The following GPN1 variants were observed in gnomAD, a reference collection of about 807,000 sequenced individuals.
GPN1 encodes the protein ATP(GTP)-binding protein.
A neutral mutation model predicts 55.9 loss-of-function variants in GPN1; 44 were observed. That is an observed-to-expected ratio of 0.79 (90% CI 0.62 to 1.01). The LOEUF is 1.01. Ranked by LOEUF, GPN1 falls within the 50% of genes least tolerant of loss-of-function variation. The probability of loss-of-function intolerance (pLI) is 0.00; values close to 1 mark genes in which losing one functional copy is unlikely to be tolerated. For synonymous variants in GPN1, 179 were observed against 162.5 expected, an observed-to-expected ratio of 1.10 and a Z score of -0.77; for missense variants, 466 against 462.8, an observed-to-expected ratio of 1.01 and a Z score of -0.06.
At chr2:27,638,850 T>C (rs756019803) in intron 8 of GPN1, 35 bp from the exon 9 acceptor site, 2 of 1,569,444 alleles carry the variant, frequency 1.3e-6, no homozygotes, top group East Asian at 2.3e-5. Context: ...GTTTGTTGGC[T>C]CTGGTTGCTC....
chr2:27,630,386 GTTTT>G (rs202052577), intron 2 of GPN1, among the ~76,000 whole-genome samples: 1 of 82,504 alleles, frequency 1.2e-5, no homozygotes, highest in Non-Finnish European at 2.3e-5. Flanking sequence ...AACAGCTTAG[GTTTT>G]TTTTTTTTTT....
At chr2:27,634,160 G>T (rs1361622962) in intron 5 of GPN1, among the ~76,000 whole-genome samples, 2 of 151,888 alleles carry the variant, frequency 1.3e-5, no homozygotes, top group African/African-American at 4.8e-5. Flanking sequence ...TAATGATATT[G>T]AACATCTTTT....
chr2:27,640,609 G>A (rs1673904807), intron 10 of GPN1, among the ~76,000 whole-genome samples: 1 of 152,226 alleles, frequency 6.6e-6, no homozygotes. Flanking sequence ...CATATAGTAA[G>A]CACATTTTAT....
upstream of GPN1, chr2:27,628,701 G>C: frequency 6.4e-7 from 1 of 1,551,656 alleles, no homozygotes; most frequent in South Asian, 1.2e-5. Context: ...TTCTCTGTGG[G>C]CTCAAAATGA....
At position 27,641,270 on chromosome 2, in the gene GPN1, A is replaced by G. The variant is rs370631749; in HGVS notation, c.831A>G (p.Lys277=). 5.6e-6 allele frequency: 9 copies of G among 1,607,494 alleles called. No homozygotes were observed. The highest frequency in any genetic ancestry group is 7.7e-6 in the Non-Finnish European group (9 of 1,174,250). ...ATCGTCCTGAATATGAACGTCTGAA[A>G]AAATCACTGGTAAGAAGGGAGGCTG... ...REYRPEYERL[K]KSLANAESQQ... is the part of the protein sequence containing the mutation. Residue 277 remains lysine, a synonymous_variant, in exon 11 of 14, where the codon AAA becomes AAG. Transcript: ENST00000610189.
intron 6 of GPN1, 66 bp from the exon 7 acceptor site, chr2:27,635,074 G>A (rs1314053207): frequency 1.9e-5 from 21 of 1,085,748 alleles, no homozygotes; most frequent in Admixed American, 1.0e-4. Context: ...TAAGGATGGT[G>A]GAAAAAGAGT....
chr2:27,646,808 T>C (rs1263841293), intron 12 of GPN1, among the ~76,000 whole-genome samples: 1 of 152,208 alleles, frequency 6.6e-6, no homozygotes, highest in African/African-American at 2.4e-5. Flanking sequence ...TTGCTCTATA[T>C]CTAGTAGAGA....
At position 27,632,690 on chromosome 2, in the gene GPN1, C is replaced by T. The variant is rs755528901; in HGVS notation, c.350+20C>T. 4 of 1,495,618 alleles carry T rather than the reference C, an allele frequency of 2.7e-6. No individual in the cohort carries two copies. The highest frequency in any genetic ancestry group is 1.1e-5 in the South Asian group (1 of 88,626). The allele number at this position is 1,495,618 out of a possible 1,614,324, so 92.6% of individuals were successfully genotyped here. A position where few individuals can be genotyped will look rare whatever the true frequency, so the allele number is the denominator to read the frequency against. ...GTCCAAGTAAGTGATGTCAGTAACA[C>T]CCATTTATTACTCTGTAGCTGACAT... On this transcript the variant is annotated intron_variant, in intron 5 of 13. Coordinates refer to ENST00000610189, the MANE Select transcript of GPN1 (RefSeq NM_007266.4).
At chr2:27,634,244 A>G (rs1673650564) in intron 5 of GPN1, among the ~76,000 whole-genome samples, 1 of 152,238 alleles carries the variant, frequency 6.6e-6, no homozygotes, top group African/African-American at 2.4e-5. Flanking sequence ...AATTAAAAAA[A>G]TTCTGATATA....
intron 1 of GPN1, 102 bp downstream of exon 1, chr2:27,629,271 G>A: frequency 6.7e-7 from 1 of 1,487,812 alleles, no homozygotes; most frequent in Non-Finnish European, 9.2e-7. Context: ...GAGGGTACCG[G>A]CGCATGGCTT....
rs1463793550 is a variant in GPN1, at chr2:27,647,928, G to A, written c.1024G>A (p.Asp342Asn). The A allele has an allele frequency of 6.2e-7, 1 of 1,606,090 alleles. No homozygotes were observed. Among genetic ancestry groups the A allele is most frequent in the Non-Finnish European group, 8.5e-7 (1 of 1,172,812 alleles). Residue 342 changes from aspartate to asparagine, a missense_variant, in exon 13 of 14, where the codon GAC (aspartate) becomes AAC (asparagine). Coordinates refer to ENST00000610189, the MANE Select transcript of GPN1 (RefSeq NM_007266.4). ...EDEEADSDTD[D>N]IDHRVTEESH... ...TGAGGAAGCAGACAGCGATACTGAT[G>A]ACATTGACCACAGAGGTGAGAGGTG...
At chr2:27,644,381 T>TATCA (rs1367763195) in intron 12 of GPN1, among the ~76,000 whole-genome samples, 3 of 152,184 alleles carry the variant, frequency 2.0e-5, no homozygotes, top group African/African-American at 7.2e-5. Context: ...ATTTTCTCCC[T>TATCA]ATCAGTTATC....
intron 12 of GPN1, among the ~76,000 whole-genome samples, chr2:27,642,954 TATATACAC>T (rs1417494840): frequency 1.6e-3 from 74 of 46,848 alleles, no homozygotes; most frequent in African/African-American, 3.0e-3. Context: ...TATATATATA[TATATACAC>T]ACACACACAC....
rs1035524387 is a variant in GPN1 at position 27,643,381 on chromosome 2, G to A, written c.931+862G>A. 6.6e-6 allele frequency among the ~76,000 whole-genome samples: 1 copy of A among 151,614 alleles called. No homozygotes were observed. The highest frequency in any genetic ancestry group is 6.6e-5 in the Admixed American group (1 of 15,222). On this transcript the variant is annotated intron_variant, in intron 12 of 13. Transcript: ENST00000610189. This position sits in a 1 kb window ranked among gnomAD's most constrained non-coding sequence, Gnocchi z 4.0. The stretch of plus-strand genomic sequence containing the variant: ...AATATATATTTTTCCTGAATCATTT[G>A]AGTAAGTTACAGATATAATACTCTT...
In GPN1 at chr2:27,647,938, A is replaced by G; in HGVS notation, c.1034A>G (p.His345Arg). ...EADSDTDDID[H>R]RVTEESHEEP... Reference sequence around the variant, plus strand: ...GACAGCGATACTGATGACATTGACCACAGAGGTGAGAGGTGGCTGAGGTGG... The same window carrying G: ...GACAGCGATACTGATGACATTGACCGCAGAGGTGAGAGGTGGCTGAGGTGG... Residue 345 changes from histidine to arginine, a missense_variant, in exon 13 of 14, where the codon CAC becomes CGC. By Grantham distance (29) the His-to-Arg change is conservative (BLOSUM62 0). Transcript: ENST00000610189. The G allele has an allele frequency of 6.3e-7, 1 of 1,595,688 alleles. No homozygotes were observed. Among genetic ancestry groups the G allele is most frequent in the Non-Finnish European group, 8.6e-7 (1 of 1,163,240 alleles).
At chr2:27,644,743 T>TA (rs1674139106) in intron 12 of GPN1, among the ~76,000 whole-genome samples, 3 of 149,026 alleles carry the variant, frequency 2.0e-5, no homozygotes, top group South Asian at 2.1e-4. Flanking sequence ...TTTTTTTTTT[T>TA]ACAGATGAGG....
chr2:27,639,315 T>A (rs1673852421), intron 9 of GPN1, among the ~76,000 whole-genome samples: 2 of 152,148 alleles, frequency 1.3e-5, no homozygotes, highest in African/African-American at 2.4e-5. Context: ...CTGATGATTG[T>A]GAGGCGGCAG....
In GPN1 at chr2:27,635,236, T is replaced by A; in HGVS notation, c.524+2T>A. 1.4e-6 allele frequency: 2 copies of A among 1,463,682 alleles called. No homozygotes were observed. The highest frequency in any genetic ancestry group is 1.9e-6 in the Non-Finnish European group (2 of 1,048,520). 90.7% of individuals were successfully genotyped at this position (1,463,682 alleles called of 1,614,324 possible). A position where few individuals can be genotyped will look rare whatever the true frequency, so the allele number is the denominator to read the frequency against. On this transcript the variant is annotated splice_donor_variant, in intron 7 of 13. Transcript: ENST00000610189. LOFTEE classifies it high-confidence loss of function. ...GTCCAACATGCTCTATGCCTGCAGG[T>A]AATTGATTGTTGGTGGGGAAAGTGT... is the stretch of plus-strand genomic sequence containing the variant.
At chr2:27,628,273 G>A (rs1673365913), upstream of GPN1, 81 of 992,878 alleles carry the variant, frequency 8.2e-5, 1 homozygote, top group South Asian at 1.3e-3. Flanking sequence ...AAGGGTCACA[G>A]AAACAGACTG....
Sources: allele counts gnomAD v4.1 joint callset (sites outside exome capture counted in the v4.1 genomes callset), GRCh38; gene constraint gnomAD v4.1.1; non-coding constraint Gnocchi (gnomAD v3.1); transcripts MANE v1.5; gene names NCBI Gene and HGNC (gene_info 2026-07-23, HGNC 2026-07-21).